SMG1: variants seen among roughly 807,000 people sequenced by gnomAD.
SMG1 encodes SMG1 nonsense mediated mRNA decay associated PI3K related kinase.
A neutral mutation model predicts 419.9 loss-of-function variants in SMG1; 22 were observed. That is an observed-to-expected ratio of 0.05 (90% confidence interval 0.04 to 0.07). SMG1 has a LOEUF of 0.07. Ranked by LOEUF, SMG1 falls within the 10% of genes least tolerant of loss-of-function variation. The pLI is 1.00. For synonymous variants in SMG1, 1,538 were observed against 1,553.5 expected, an observed-to-expected ratio of 0.99 and a Z score of 0.23; for missense variants, 3,185 against 4,342.0, an observed-to-expected ratio of 0.73 and a Z score of 7.49.
intron 22 of SMG1, 89 bp downstream of exon 22, chr16:18,868,096 CTTATT>C: frequency 1.1e-6 from 1 of 899,568 alleles, no homozygotes; most frequent in Non-Finnish European, 1.7e-6. Context: ...CAAGCTTTAA[CTTATT>C]TTATCCATAG....
intron 3 of SMG1, among the ~76,000 whole-genome samples, chr16:18,893,106 T>C (rs1209368021): frequency 6.6e-6 from 1 of 152,226 alleles, no homozygotes; most frequent in Non-Finnish European, 1.5e-5. Flanking sequence ...ACTTATCATC[T>C]AGGTATCCCA....
chr16:18,854,861 T>C lies in SMG1; in HGVS notation c.4278A>G (p.Leu1426=), dbSNP rs1446368194. 12 of 1,613,904 alleles carry C rather than the reference T, an allele frequency of 7.4e-6. No individual in the cohort carries two copies. The Admixed American group carries it at 1.8e-4, about 25-fold the overall frequency. Residue 1426 remains leucine, a synonymous_variant, in exon 30 of 63, where the codon CTA becomes CTG. Coordinates refer to ENST00000446231, the MANE Select transcript of SMG1 (RefSeq NM_015092.5). ...GTTTTCTAGCAAATTTTGCTGCTGT[T>C]AGACCTAATTCCATGAGATGGCTTC... ...PIRSHLMELG[L]TAAKFARKRG...
chr16:18,864,498 TTTAC>T (rs2035392406), intron 23 of SMG1, among the ~76,000 whole-genome samples: 4 of 150,840 alleles, frequency 2.7e-5, no homozygotes, highest in Admixed American at 1.3e-4. Context: ...GCGCCTGGCC[TTTAC>T]TTACTTATTT....
At position 18,834,981 on chromosome 16, in the gene SMG1, A is replaced by G; in HGVS notation, c.8241T>C (p.Arg2747=). 3 of 1,614,038 alleles carry G rather than the reference A, an allele frequency of 1.9e-6. No homozygotes were observed. The highest frequency in any genetic ancestry group is 2.5e-6 in the Non-Finnish European group (3 of 1,179,904). ...TCTCATGAAGGAAAACTTTAATGCAACGTTCAATTTCTTTCAACTGATCTT... is the reference window on the plus strand; with the variant it reads ...TCTCATGAAGGAAAACTTTAATGCAGCGTTCAATTTCTTTCAACTGATCTT... ...VCEDQLKEIE[R]CIKVFLHENG... is the part of the protein sequence containing the mutation. Residue 2747 remains arginine, a synonymous_variant, in exon 49 of 63, where the codon CGT becomes CGC. Transcript: ENST00000446231.
chr16:18,866,921 T>G (rs915459754), intron 22 of SMG1, 146 bp from the exon 23 acceptor site: 2 of 614,812 alleles, frequency 3.3e-6, no homozygotes. Flanking sequence ...TAGCTCAGAA[T>G]TCTTTAAAAT....
chr16:18,811,673 A>C (rs1417354613), intron 62 of SMG1, 88 bp downstream of exon 62: 7 of 1,137,074 alleles, frequency 6.2e-6, no homozygotes, highest in African/African-American at 1.5e-5. Context: ...TTGATGAACT[A>C]TTAAGGAAAT....
chr16:18,836,385 T>C lies in SMG1; in HGVS notation c.7752A>G (p.Gln2584=), dbSNP rs181670790. 5.0e-6 allele frequency: 8 copies of C among 1,613,956 alleles called. No individual in the cohort carries two copies. The East Asian group carries it at 1.6e-4, about 31-fold the overall frequency. The change falls in exon 47 of 63, where the codon CAA becomes CAG. Residue 2584 remains glutamine (Q), a synonymous_variant. Transcript: ENST00000446231. ...LEATQLASLL[Q]EISTQMDLGP... is the part of the protein sequence containing the mutation. ...CAAGGTCCATTTGTGTGCTTATCTCTTGAAGCAAGCTTGCAAGCTGTGTTG... is the reference window on the plus strand; with the variant it reads ...CAAGGTCCATTTGTGTGCTTATCTCCTGAAGCAAGCTTGCAAGCTGTGTTG...
intron 1 of SMG1, among the ~76,000 whole-genome samples, chr16:18,912,062 A>C (rs1170660544): frequency 6.8e-6 from 1 of 148,130 alleles, no homozygotes; most frequent in Admixed American, 6.8e-5. Flanking sequence ...AGCCTGGGCA[A>C]CAGAGCAAGA....
chr16:18,853,944 A>T, intron 30 of SMG1, 77 bp from the exon 31 acceptor site: 2 of 1,323,382 alleles, frequency 1.5e-6, no homozygotes, highest in Non-Finnish European at 2.1e-6. Flanking sequence ...TTAGGAAACA[A>T]ATATCAACAT....
chr16:18,872,263 C>T lies in SMG1; in HGVS notation c.2104G>A (p.Ala702Thr). 1.3e-6 allele frequency: 2 copies of T among 1,595,186 alleles called. No homozygotes were observed. Among genetic ancestry groups the T allele is most frequent in the Non-Finnish European group, 1.7e-6 (2 of 1,167,938 alleles). The change falls in exon 15 of 63, where the codon GCT (alanine) becomes ACT (threonine). Residue 702 changes from alanine (A) to threonine (T), a missense_variant. Physicochemically the swap from Ala to Thr is moderately conservative, Grantham distance 58 (BLOSUM62 0). This residue lies in a region of SMG1 where 297 missense variants were observed against 491.0 expected (regional missense o/e 0.60). Coordinates refer to ENST00000446231, the MANE Select transcript of SMG1 (RefSeq NM_015092.5). ...ATAATTGAGAAATGTTTCTTTGTAGCCGTAGTTACAGTGCTAATCACAGCT... is the reference window on the plus strand; with the variant it reads ...ATAATTGAGAAATGTTTCTTTGTAGTCGTAGTTACAGTGCTAATCACAGCT... ...DGAVISTVTT[A>T]TKKHFSIILN...
At position 18,828,130 on chromosome 16, in the gene SMG1, G is replaced by T. The variant is rs966450992; in HGVS notation, c.9642C>A (p.Ala3214=). Reference sequence around the variant, plus strand: ...ACCGTGGGGGAGGTGTGACTGACATGGCTTGTGGTCTATTGATAAGTAGAT... The same window carrying T: ...ACCGTGGGGGAGGTGTGACTGACATTGCTTGTGGTCTATTGATAAGTAGAT... ...HEDLLINRPQ[A]MSVTPPPRSA... is the part of the protein sequence containing the mutation. The change falls in exon 55 of 63, where the codon GCC becomes GCA. Residue 3214 remains alanine, a synonymous_variant. Transcript: ENST00000446231. The T allele has an allele frequency of 1.2e-6, 2 of 1,613,416 alleles. No homozygotes were observed. The highest frequency in any genetic ancestry group is 1.7e-6 in the Non-Finnish European group (2 of 1,179,694).
chr16:18,815,331 T>C, intron 59 of SMG1, 50 bp from the exon 60 acceptor site: 1 of 1,529,044 alleles, frequency 6.5e-7, no homozygotes, highest in Non-Finnish European at 8.9e-7. Flanking sequence ...TACCTGATAC[T>C]ACTTATAAAA....
chr16:18,894,378 A>G (rs1361849202), intron 3 of SMG1, among the ~76,000 whole-genome samples: 2 of 152,176 alleles, frequency 1.3e-5, no homozygotes, highest in Non-Finnish European at 2.9e-5. Context: ...CAAAAATGTC[A>G]TCAAGTTACC....
chr16:18,807,992 A>G lies in SMG1; in HGVS notation c.*1577T>C, dbSNP rs1018145168. The G allele has an allele frequency of 1.3e-5, 2 of 152,106 alleles. No individual in the cohort carries two copies. Among genetic ancestry groups the G allele is most frequent in the African/African-American group, 2.4e-5 (1 of 41,398 alleles). 9.4% of individuals were successfully genotyped at this position (152,106 alleles called of 1,614,324 possible). Reference sequence around the variant, plus strand: ...TAGCCAGGATGGTCTCGCTCTCCTAACCTCATGATCCGCCCGCCTCGGCCT... The same window carrying G: ...TAGCCAGGATGGTCTCGCTCTCCTAGCCTCATGATCCGCCCGCCTCGGCCT... On this transcript the variant is annotated 3_prime_UTR_variant, in exon 63 of 63. Coordinates refer to ENST00000446231, the MANE Select transcript of SMG1 (RefSeq NM_015092.5).
At chr16:18,880,970 A>G (rs1288471699) in intron 10 of SMG1, among the ~76,000 whole-genome samples, 2 of 148,662 alleles carry the variant, frequency 1.3e-5, no homozygotes. Flanking sequence ...TTAAAAAGAA[A>G]AAAAAAAAAA....
Position 18,868,623 on chromosome 16 carries a change from T to C in SMG1, c.2930A>G (p.Gln977Arg), listed in dbSNP as rs1395156206. 6.3e-7 allele frequency: 1 copy of C among 1,584,648 alleles called. No homozygotes were observed. The highest frequency in any genetic ancestry group is 1.3e-5 in the African/African-American group (1 of 74,574). ...ADNDEGHGNN[Q>R]LRLVLLLQYL... ...CTGCAGAAGAAGAACAAGTCTAAGT[T>C]GGTTGTTACCATGGCCTTCATCATT... is the stretch of plus-strand genomic sequence containing the variant. Residue 977 changes from glutamine (Q) to arginine (R), a missense_variant, in exon 21 of 63, where the codon CAA becomes CGA. By Grantham distance (43) the Gln-to-Arg change is conservative. This residue lies in a region of SMG1 where 70 missense variants were observed against 185.7 expected (regional missense o/e 0.38). Coordinates refer to ENST00000446231, the MANE Select transcript of SMG1 (RefSeq NM_015092.5).
chr16:18,878,116 G>A (rs1175021854), intron 11 of SMG1: 1 of 152,118 alleles, frequency 6.6e-6, no homozygotes, highest in Admixed American at 6.6e-5. Context: ...GAAATTAAAG[G>A]AGGCCAGCCG....
At position 18,840,218 on chromosome 16, in the gene SMG1, C is replaced by T. The variant is rs377139519; in HGVS notation, c.6697-272G>A. On this transcript the variant is annotated intron_variant, in intron 41 of 62. Transcript: ENST00000446231. ...TTGAGGTTCAATTCAAAACTAAACA[C>T]TCAAGTTACTTTCTTCTTTATAATA... is the stretch of plus-strand genomic sequence containing the variant. Among the ~76,000 whole-genome samples the T allele has an allele frequency of 6.6e-5, 10 of 152,274 alleles. No individual in the cohort carries two copies. The East Asian group carries it at 1.7e-3, about 26-fold the overall frequency.
intron 37 of SMG1, 38 bp from the exon 38 acceptor site, chr16:18,847,645 C>A (rs2034342993): frequency 1.2e-6 from 2 of 1,612,592 alleles, no homozygotes; most frequent in African/African-American, 1.3e-5. Context: ...CATCTACAAG[C>A]CTATGCACAG....
Sources: allele counts gnomAD v4.1 joint callset (sites outside exome capture counted in the v4.1 genomes callset), GRCh38; gene constraint gnomAD v4.1.1; regional missense constraint gnomAD v4.1.1; transcripts MANE v1.5; gene names NCBI Gene and HGNC (gene_info 2026-07-23, HGNC 2026-07-21).